Variants in GPC6 observed in about 807,000 individuals in gnomAD.
GPC6 encodes the protein glypican-6.
Under a neutral mutation model 55.2 loss-of-function variants are expected in GPC6, and 14 were observed. The observed-to-expected ratio is 0.25, with a 90% CI of 0.17 to 0.40. The LOEUF (loss-of-function observed/expected upper bound fraction) is 0.40, where lower values mean the gene tolerates loss of function less well. Among genes scored for constraint, GPC6 ranks in the 10% least tolerant of loss-of-function variants. The probability of loss-of-function intolerance (pLI) is 1.00; values close to 1 mark genes in which losing one functional copy is unlikely to be tolerated. For missense variants in GPC6, 641 were observed against 708.5 expected, an observed-to-expected ratio of 0.90 and a Z score of 1.08; for synonymous variants, 278 against 259.6, an observed-to-expected ratio of 1.07 and a Z score of -0.68.
intron 2 of GPC6, among the ~76,000 whole-genome samples, chr13:93,566,142 G>A (rs1005003272): frequency 6.6e-6 from 1 of 152,154 alleles, no homozygotes; most frequent in Non-Finnish European, 1.5e-5. Context: ...TTGGAGAAAT[G>A]AAGAGGCAGA....
At chr13:93,308,102 G>A (rs936129519) in intron 1 of GPC6, among the ~76,000 whole-genome samples, 4 of 152,208 alleles carry the variant, frequency 2.6e-5, no homozygotes, top group African/African-American at 7.2e-5. Context: ...GGCTAACATG[G>A]TGAAACCCCG....
At chr13:93,225,315 A>G (rs76820369), upstream of GPC6, among the ~76,000 whole-genome samples, 446 of 152,348 alleles carry the variant, frequency 2.9e-3, 3 homozygotes, top group African/African-American at 0.01. Context: ...CCGTTTGTCC[A>G]CAAACATAAC....
intron 2 of GPC6, among the ~76,000 whole-genome samples, chr13:93,630,301 T>A (rs1879375771): frequency 6.6e-6 from 1 of 152,168 alleles, no homozygotes; most frequent in Non-Finnish European, 1.5e-5. Context: ...AAGCTGTGGG[T>A]GAAGACTGCA....
chr13:93,644,260 C>A (rs1016809920), intron 2 of GPC6, among the ~76,000 whole-genome samples: 40 of 151,936 alleles, frequency 2.6e-4, no homozygotes, highest in African/African-American at 8.9e-4. Context: ...TTTAAAAATG[C>A]TAAATAAGGT....
intron 4 of GPC6, among the ~76,000 whole-genome samples, chr13:94,060,975 G>T (rs1037851077): frequency 2.0e-5 from 3 of 152,090 alleles, no homozygotes; most frequent in Non-Finnish European, 4.4e-5. Flanking sequence ...ATCAGACACA[G>T]AACTAGATAT....
intron 3 of GPC6, among the ~76,000 whole-genome samples, chr13:93,935,564 A>T (rs1878394767): frequency 6.6e-6 from 1 of 152,198 alleles, no homozygotes; most frequent in South Asian, 2.1e-4. Flanking sequence ...TGAACATATG[A>T]GTGCAGGAAA....
At chr13:93,646,240 A>G (rs1016239140) in intron 2 of GPC6, among the ~76,000 whole-genome samples, 2 of 152,144 alleles carry the variant, frequency 1.3e-5, no homozygotes. Context: ...TTGATTAATG[A>G]CCTGAATTAA....
intron 6 of GPC6, among the ~76,000 whole-genome samples, chr13:94,360,184 G>T (rs1207734398): frequency 6.6e-6 from 1 of 152,184 alleles, no homozygotes; most frequent in Admixed American, 6.5e-5. Context: ...AAGCCAGGAG[G>T]AGTTTTTAGG....
At chr13:93,242,091 A>G (rs1180951799) in intron 1 of GPC6, among the ~76,000 whole-genome samples, 1 of 151,884 alleles carries the variant, frequency 6.6e-6, no homozygotes, top group African/African-American at 2.4e-5. Flanking sequence ...TTTCCCCAGT[A>G]TTTTTTCAGT....
intron 1 of GPC6, among the ~76,000 whole-genome samples, chr13:93,249,814 T>C (rs1411061184): frequency 2.6e-5 from 4 of 152,206 alleles, no homozygotes; most frequent in African/African-American, 9.6e-5. Context: ...CATTTTTGAA[T>C]TGAAAATATA....
chr13:93,745,707 A>T (rs987942227), intron 2 of GPC6, among the ~76,000 whole-genome samples: 1 of 152,302 alleles, frequency 6.6e-6, no homozygotes, highest in East Asian at 1.9e-4. Flanking sequence ...GTAAGCAACC[A>T]ATATGCTAGT....
intron 4 of GPC6, among the ~76,000 whole-genome samples, chr13:94,085,957 TCTC>T (rs1471189597): frequency 6.6e-6 from 1 of 152,184 alleles, no homozygotes; most frequent in East Asian, 1.9e-4. Context: ...AAGAGTAACT[TCTC>T]CTAATGGGTT....
intron 1 of GPC6, among the ~76,000 whole-genome samples, chr13:93,448,511 G>A (rs1878095481): frequency 6.6e-6 from 1 of 152,164 alleles, no homozygotes; most frequent in South Asian, 2.1e-4. Context: ...CATAGTGTAA[G>A]TTGAAGTACT....
intron 1 of GPC6, among the ~76,000 whole-genome samples, chr13:93,399,096 A>G (rs919487402): frequency 4.0e-5 from 6 of 151,734 alleles, no homozygotes; most frequent in African/African-American, 1.5e-4. Context: ...GCACACAAGC[A>G]AGGAATTTCT....
chr13:93,812,152 G>GGGGGGGGGGGGGGGGGGGGA (rs1886715310), intron 2 of GPC6, among the ~76,000 whole-genome samples: 1 of 137,930 alleles, frequency 7.3e-6, no homozygotes, highest in Non-Finnish European at 1.6e-5. Flanking sequence ...TGGGGGGGGG[G>GGGGGGGGGGGGGGGGGGGGA]GCGGGGGGTG....
At chr13:93,563,883 A>AT (rs561229015) in intron 2 of GPC6, among the ~76,000 whole-genome samples, 3 of 151,846 alleles carry the variant, frequency 2.0e-5, no homozygotes, top group African/African-American at 4.8e-5. Flanking sequence ...CTAATGTATA[A>AT]TTTTTTTTAT....
At chr13:94,150,357 C>G (rs759485098) in intron 4 of GPC6, among the ~76,000 whole-genome samples, 1 of 152,030 alleles carries the variant, frequency 6.6e-6, no homozygotes, top group East Asian at 1.9e-4. Context: ...TTGCAGCCAG[C>G]GTGAGCATTT....
intron 1 of GPC6, among the ~76,000 whole-genome samples, chr13:93,250,425 GGTAACTA>G (rs1876746083): frequency 6.6e-6 from 1 of 152,150 alleles, no homozygotes. Context: ...GGAAGGACCG[GGTAACTA>G]GTCCCCTTCC....
chr13:93,895,232 GTGTA>G (rs1434029877), intron 3 of GPC6, among the ~76,000 whole-genome samples: 2 of 73,374 alleles, frequency 2.7e-5, no homozygotes, highest in South Asian at 4.6e-4. Context: ...ATGTGTGTGT[GTGTA>G]TATATATATA....
Sources: allele counts gnomAD v4.1 joint callset (sites outside exome capture counted in the v4.1 genomes callset), GRCh38; gene constraint gnomAD v4.1.1; transcripts MANE v1.5; gene names NCBI Gene and HGNC (gene_info 2026-07-23, HGNC 2026-07-21).